AFF3: variants seen among roughly 807,000 people sequenced by gnomAD.
AFF3 encodes AF4/FMR2 family member 3.
In AFF3, 32 loss-of-function variants were observed where a neutral mutation model predicts 129.7. The observed-to-expected ratio is 0.25, with a 90% CI of 0.19 to 0.33. The LOEUF is 0.33. AFF3 is among the 10% of genes least tolerant of loss of function. The pLI is 1.00. For synonymous variants in AFF3, 644 were observed against 635.4 expected (o/e 1.01, Z -0.20); for missense variants, 1,373 against 1,592.0 (o/e 0.86, Z 2.34).
intron 11 of AFF3, among the ~76,000 whole-genome samples, chr2:99,681,614 A>G (rs1049996157): frequency 6.6e-6 from 1 of 152,212 alleles, no homozygotes; most frequent in Admixed American, 6.5e-5. Context: ...AGAGACCTCA[A>G]AGAGCTCTTT....
intron 7 of AFF3, among the ~76,000 whole-genome samples, chr2:99,976,358 G>A (rs1417154590): frequency 6.6e-6 from 1 of 152,140 alleles, no homozygotes; most frequent in Non-Finnish European, 1.5e-5. Flanking sequence ...TAGGTTTTGA[G>A]ATTAGAAGCT....
At chr2:100,044,103 C>G (rs1354371466) in intron 4 of AFF3, among the ~76,000 whole-genome samples, 4 of 152,196 alleles carry the variant, frequency 2.6e-5, no homozygotes, top group Non-Finnish European at 5.9e-5. Flanking sequence ...CAGGAATGAA[C>G]ACATGGAGGA....
At chr2:99,554,820 A>G in intron 22 of AFF3, 88 bp from the exon 23 acceptor site, 2 of 1,492,340 alleles carry the variant, frequency 1.3e-6, no homozygotes, top group Admixed American at 3.5e-5. Context: ...GACTGCAGAG[A>G]GAAGCAAAGG....
intron 7 of AFF3, among the ~76,000 whole-genome samples, chr2:100,001,938 G>A (rs141908706): frequency 3.2e-4 from 48 of 152,328 alleles, no homozygotes; most frequent in Non-Finnish European, 6.2e-4. Context: ...CTAAGCGGAC[G>A]GAAGCTGCCC....
At chr2:99,752,153 AGCCCACT>A in intron 9 of AFF3, 61 bp downstream of exon 9, 1 of 1,354,834 alleles carries the variant, frequency 7.4e-7, no homozygotes, top group South Asian at 1.2e-5. Flanking sequence ...TCACGGGTAA[AGCCCACT>A]GCCCACTAGA....
intron 13 of AFF3, among the ~76,000 whole-genome samples, chr2:99,636,107 C>T (rs2105444167): frequency 6.6e-6 from 1 of 152,350 alleles, no homozygotes; most frequent in South Asian, 2.1e-4. Context: ...CAGATGACTA[C>T]ACCTTAATTT....
intron 4 of AFF3, among the ~76,000 whole-genome samples, chr2:100,078,521 G>T (rs1209044020): frequency 1.3e-5 from 2 of 152,166 alleles, no homozygotes; most frequent in Non-Finnish European, 2.9e-5. Context: ...CAATGTCTCA[G>T]AGGGCTCTCT....
rs556699517 is a variant in AFF3 at position 99,909,627 on chromosome 2, G to T, written c.874-72103C>A. On this transcript the variant is annotated intron_variant, in intron 7 of 24. Transcript: ENST00000672756. Reference sequence around the variant, plus strand: ...TAATAATAATAAAAAAAAAAGAAAAGAAAAAAGAAAAAGCGTTTCTCCACA... The same window carrying T: ...TAATAATAATAAAAAAAAAAGAAAATAAAAAAGAAAAAGCGTTTCTCCACA... Among the ~76,000 whole-genome samples, 3 of 151,066 alleles carry T rather than the reference G, an allele frequency of 2.0e-5. No individual in the cohort carries two copies. The East Asian group carries it at 5.9e-4, about 29-fold the overall frequency.
intron 11 of AFF3, among the ~76,000 whole-genome samples, chr2:99,692,318 G>T (rs185500681): frequency 1.4e-4 from 22 of 152,256 alleles, no homozygotes; most frequent in Non-Finnish European, 2.5e-4. Flanking sequence ...GGCCCCTGTG[G>T]ACAGGGAGAC....
In AFF3 at chr2:99,559,820, T is replaced by C. The variant is rs59100607; in HGVS notation, c.3191+545A>G. Among the ~76,000 whole-genome samples the C allele has an allele frequency of 7.5e-3, 1,141 of 152,376 alleles. 12 individuals carry two copies. Among genetic ancestry groups the C allele is most frequent in the African/African-American group, 0.026 (1,100 of 41,588 alleles). On this transcript the variant is annotated intron_variant, in intron 21 of 24. Transcript: ENST00000672756. ...TGTTGCTGTTATTATTATTTTTTAA[T>C]TCAACTGTCTTTATTTCACTGCTTG...
intron 7 of AFF3, among the ~76,000 whole-genome samples, chr2:99,847,476 C>G (rs910643444): frequency 1.3e-5 from 2 of 151,968 alleles, no homozygotes; most frequent in South Asian, 4.1e-4. Flanking sequence ...CTTTATTCTA[C>G]TGGTGTTGCT....
At chr2:99,954,708 T>G (rs1676467545) in intron 7 of AFF3, among the ~76,000 whole-genome samples, 1 of 132,880 alleles carries the variant, frequency 7.5e-6, no homozygotes, top group Non-Finnish European at 1.5e-5. Flanking sequence ...AGGTGGGAAC[T>G]GAACAATGAG....
chr2:99,618,094 C>G (rs796622451), intron 13 of AFF3, among the ~76,000 whole-genome samples: 1 of 152,082 alleles, frequency 6.6e-6, no homozygotes, highest in Non-Finnish European at 1.5e-5. Context: ...TGCTCGCTGG[C>G]TATATGACCT....
chr2:99,904,409 G>GAA (rs75319381), intron 7 of AFF3, among the ~76,000 whole-genome samples: 1 of 141,112 alleles, frequency 7.1e-6, no homozygotes. Context: ...TTAGAGTTCG[G>GAA]AAAAAAAAAA....
chr2:99,863,104 G>A (rs893665246), intron 7 of AFF3, among the ~76,000 whole-genome samples: 3 of 152,206 alleles, frequency 2.0e-5, no homozygotes, highest in African/African-American at 7.2e-5. Flanking sequence ...GCTCAATAAA[G>A]ACTCTACTAT....
chr2:99,987,881 GA>G (rs891652285), intron 7 of AFF3, among the ~76,000 whole-genome samples: 14 of 152,170 alleles, frequency 9.2e-5, no homozygotes, highest in African/African-American at 3.1e-4. Context: ...AAAACACTAT[GA>G]ACCTGTTATG....
intron 13 of AFF3, among the ~76,000 whole-genome samples, chr2:99,634,920 A>G (rs1026231993): frequency 4.7e-5 from 7 of 149,924 alleles, no homozygotes; most frequent in African/African-American, 1.5e-4. Flanking sequence ...CAGTGCTCAG[A>G]CTTGTGCTGT....
chr2:100,061,860 G>T (rs528516490), intron 4 of AFF3, among the ~76,000 whole-genome samples: 5 of 151,110 alleles, frequency 3.3e-5, no homozygotes, highest in African/African-American at 7.3e-5. Context: ...ACAGTGGAGG[G>T]GGGGGGGGTG....
chr2:99,931,841 A>T (rs1268462905), intron 7 of AFF3, among the ~76,000 whole-genome samples: 1 of 152,190 alleles, frequency 6.6e-6, no homozygotes, highest in Non-Finnish European at 1.5e-5. Context: ...CTCGGGAGGC[A>T]GAGGTTGCAG....
Sources: allele counts gnomAD v4.1 joint callset (sites outside exome capture counted in the v4.1 genomes callset), GRCh38; gene constraint gnomAD v4.1.1; transcripts MANE v1.5; gene names NCBI Gene and HGNC (gene_info 2026-07-23, HGNC 2026-07-21).